FNTB: variants seen among roughly 807,000 people sequenced by gnomAD.
FNTB encodes protein farnesyltransferase subunit beta.
A neutral mutation model predicts 59.4 loss-of-function variants in FNTB; 27 were observed. That is an observed-to-expected ratio of 0.45 (90% CI 0.34 to 0.63). FNTB has a LOEUF of 0.63. Among genes scored for constraint, FNTB ranks in the 20% least tolerant of loss-of-function variants. The pLI is 0.02. For synonymous variants in FNTB, 230 were observed against 220.7 expected, an observed-to-expected ratio of 1.04 and a Z score of -0.37; for missense variants, 449 against 559.6, an observed-to-expected ratio of 0.80 and a Z score of 1.99.
chr14:65,010,877 T>C (rs756270383), intron 2 of FNTB, among the ~76,000 whole-genome samples: 3 of 152,214 alleles, frequency 2.0e-5, no homozygotes, highest in Admixed American at 6.5e-5. Flanking sequence ...TGCAGCATAG[T>C]AGAGTAGCCA....
rs1372190562 is a variant in FNTB at position 64,989,296 on chromosome 14, T to G, written c.144+2199T>G. Among the ~76,000 whole-genome samples, 16 of 115,224 alleles carry G rather than the reference T, an allele frequency of 1.4e-4. No homozygotes were observed. In the East Asian group the frequency reaches 3.8e-3, roughly 27 times the overall value. The allele number at this position is 115,224 out of a possible 152,430, so 75.6% of individuals were successfully genotyped here. On this transcript the variant is annotated intron_variant, in intron 1 of 11. Coordinates refer to ENST00000246166, the MANE Select transcript of FNTB (RefSeq NM_002028.4). ...CCAAAAAAAAAAAAAAAAAAAAAAG[T>G]AGCTGAGCGTGGTGGCATGCACCTG... is the stretch of plus-strand genomic sequence containing the variant.
chr14:65,002,644 G>A (rs1176799530), intron 1 of FNTB, among the ~76,000 whole-genome samples: 8 of 151,908 alleles, frequency 5.3e-5, no homozygotes, highest in South Asian at 2.1e-4. Flanking sequence ...AAGAAAGACC[G>A]GGGTTGCAGC....
In FNTB at chr14:65,023,039, G is replaced by T. The variant is rs2061917049; in HGVS notation, c.375-4414G>T. ...TGCCTTTGAATCCTTCATCCAAACT[G>T]ATGACGGTGTTTAGAATCAACATTG... On this transcript the variant is annotated intron_variant, in intron 4 of 11. Coordinates refer to ENST00000246166, the MANE Select transcript of FNTB (RefSeq NM_002028.4). This position sits in a 1 kb window ranked among gnomAD's most constrained non-coding sequence, Gnocchi z 4.1. 6.6e-6 allele frequency among the ~76,000 whole-genome samples: 1 copy of T among 152,128 alleles called. No homozygotes were observed.
intron 1 of FNTB, among the ~76,000 whole-genome samples, chr14:64,996,712 A>G (rs1888408621): frequency 6.6e-6 from 1 of 151,430 alleles, no homozygotes; most frequent in African/African-American, 2.4e-5. Flanking sequence ...CAAAAGTATA[A>G]TAATGTAATT....
In FNTB at chr14:65,056,142, A is replaced by G. The variant is rs532844752; in HGVS notation, c.1182+1453A>G. Among the ~76,000 whole-genome samples the G allele has an allele frequency of 2.0e-5, 3 of 152,210 alleles. No homozygotes were observed. The South Asian group carries it at 6.2e-4, about 32-fold the overall frequency. On this transcript the variant is annotated intron_variant, in intron 11 of 11. Transcript: ENST00000246166. ...ATAACAGTTGCTTGCATGTTTTCAAACTTTTTGTAATGGTACCTACTGTAC... is the reference window on the plus strand; with the variant it reads ...ATAACAGTTGCTTGCATGTTTTCAAGCTTTTTGTAATGGTACCTACTGTAC...
chr14:65,000,454 A>G (rs1888551307), intron 1 of FNTB, among the ~76,000 whole-genome samples: 2 of 152,208 alleles, frequency 1.3e-5, no homozygotes, highest in Non-Finnish European at 2.9e-5. Flanking sequence ...GCAACCCAAG[A>G]GCATAGATTC....
At chr14:65,015,779 G>C in intron 4 of FNTB, 63 bp downstream of exon 4, 1 of 1,572,520 alleles carries the variant, frequency 6.4e-7, no homozygotes, top group Non-Finnish European at 8.7e-7. Context: ...TTGGGATTTT[G>C]TTTTGTTTCT....
At chr14:65,008,007 C>T (rs150810036) in intron 2 of FNTB, among the ~76,000 whole-genome samples, 35 of 152,270 alleles carry the variant, frequency 2.3e-4, no homozygotes, top group African/African-American at 7.5e-4. Context: ...GCTTAGCTCC[C>T]GTGTTTTCTA....
rs1015090339 is a variant in FNTB at position 65,001,075 on chromosome 14, T to C, written c.145-3174T>C. On this transcript the variant is annotated intron_variant, in intron 1 of 11. Coordinates refer to ENST00000246166, the MANE Select transcript of FNTB (RefSeq NM_002028.4). This position sits in a 1 kb window ranked among gnomAD's most constrained non-coding sequence, Gnocchi z 5.5. ...AGCATAAATGAAGTCCTATACTTGG[T>C]CTCTCTGGGCCTGATAAATTTTGCA... Among the ~76,000 whole-genome samples, 2 of 152,064 alleles carry C rather than the reference T, an allele frequency of 1.3e-5. No homozygotes were observed. The highest frequency in any genetic ancestry group is 4.8e-5 in the African/African-American group (2 of 41,386).
At chr14:65,005,621 G>A (rs926403863) in intron 2 of FNTB, among the ~76,000 whole-genome samples, 1 of 146,016 alleles carries the variant, frequency 6.8e-6, no homozygotes, top group Non-Finnish European at 1.5e-5. Context: ...GTCTTGTCTT[G>A]TCCTGTCCTG....
Position 65,047,181 on chromosome 14 carries a change from A to T in FNTB, c.955+2738A>T, listed in dbSNP as rs2062503008. Among the ~76,000 whole-genome samples, 1 of 152,240 alleles carries T rather than the reference A, an allele frequency of 6.6e-6. No homozygotes were observed. Among genetic ancestry groups the T allele is most frequent in the Non-Finnish European group, 1.5e-5 (1 of 68,040 alleles). On this transcript the variant is annotated intron_variant, in intron 9 of 11. Coordinates refer to ENST00000246166, the MANE Select transcript of FNTB (RefSeq NM_002028.4). The surrounding 1 kb of genome is among the most constrained non-coding windows in gnomAD (Gnocchi z 5.2). ...CGGAGTCTTCCCAAGCCCTCACTGT[A>T]TGCCAGGGGCTGTACTGAGCATTTC...
chr14:65,053,536 T>A (rs1310983788), intron 10 of FNTB, among the ~76,000 whole-genome samples, 187 bp downstream of exon 10: 4 of 151,414 alleles, frequency 2.6e-5, no homozygotes, highest in Non-Finnish European at 5.9e-5. Context: ...TCTTGGCACC[T>A]CCAGCTGCCC....
intron 2 of FNTB, among the ~76,000 whole-genome samples, chr14:65,005,455 TTCTTTC>T (rs1408025316): frequency 3.3e-5 from 3 of 90,600 alleles, no homozygotes; most frequent in African/African-American, 4.8e-5. Context: ...TTTCTTTTCT[TTCTTTC>T]TTTCTTTCTT....
intron 11 of FNTB, among the ~76,000 whole-genome samples, chr14:65,056,769 C>G (rs1411040065): frequency 1.3e-5 from 2 of 152,010 alleles, no homozygotes. Flanking sequence ...GAATATCTTC[C>G]AGCTTGTGAC....
chr14:65,020,068 A>G (rs530345612), intron 4 of FNTB, among the ~76,000 whole-genome samples: 1 of 152,050 alleles, frequency 6.6e-6, no homozygotes, highest in Admixed American at 6.5e-5. Flanking sequence ...TGTAACACAC[A>G]CGCCCCCTAC....
rs2062674120 is a variant in FNTB at position 65,054,067 on chromosome 14, A to T, written c.1068-508A>T. On this transcript the variant is annotated intron_variant, in intron 10 of 11. Transcript: ENST00000246166. This position sits in a 1 kb window ranked among gnomAD's most constrained non-coding sequence, Gnocchi z 4.4. ...AAAAAAGAAAGAAAAGAAAAAAAATACAGTTCCCACTGCTGGGCAGGGCTG... is the reference window on the plus strand; with the variant it reads ...AAAAAAGAAAGAAAAGAAAAAAAATTCAGTTCCCACTGCTGGGCAGGGCTG... Among the ~76,000 whole-genome samples, 1 of 152,134 alleles carries T rather than the reference A, an allele frequency of 6.6e-6. No homozygotes were observed. Among genetic ancestry groups the T allele is most frequent in the Non-Finnish European group, 1.5e-5 (1 of 68,026 alleles).
intron 9 of FNTB, among the ~76,000 whole-genome samples, chr14:65,048,182 T>C (rs1411631820): frequency 6.6e-6 from 1 of 151,726 alleles, no homozygotes; most frequent in Non-Finnish European, 1.5e-5. Flanking sequence ...AGGATATGAC[T>C]ATGTTGGCCT....
rs866084442 is a variant in FNTB, at chr14:65,001,998, C to T, written c.145-2251C>T. ...AAATTAATTTTAGATTGGCTGCCATCGTAGATGATTCATATCACTGCTCCC... is the reference window on the plus strand; with the variant it reads ...AAATTAATTTTAGATTGGCTGCCATTGTAGATGATTCATATCACTGCTCCC... On this transcript the variant is annotated intron_variant, in intron 1 of 11. Coordinates refer to ENST00000246166, the MANE Select transcript of FNTB (RefSeq NM_002028.4). This position sits in a 1 kb window ranked among gnomAD's most constrained non-coding sequence, Gnocchi z 5.5. 1.3e-4 allele frequency among the ~76,000 whole-genome samples: 20 copies of T among 152,312 alleles called. No homozygotes were observed. The highest frequency in any genetic ancestry group is 3.4e-3 in the Middle Eastern group (1 of 294).
In FNTB at chr14:65,007,597, G is replaced by A. The variant is rs1348641012; in HGVS notation, c.209+3284G>A. On this transcript the variant is annotated intron_variant, in intron 2 of 11. Coordinates refer to ENST00000246166, the MANE Select transcript of FNTB (RefSeq NM_002028.4). The surrounding 1 kb of genome is among the most constrained non-coding windows in gnomAD (Gnocchi z 4.9). ...TCCCAGAAATGATTTTCTTCTCTAA[G>A]GTTGGGACTGTCTACCTGGAGTGAG... is the stretch of plus-strand genomic sequence containing the variant. 1.3e-5 allele frequency among the ~76,000 whole-genome samples: 2 copies of A among 152,182 alleles called. No homozygotes were observed. The highest frequency in any genetic ancestry group is 6.5e-5 in the Admixed American group (1 of 15,282).
Sources: gnomAD v4.1 joint callset for allele counts (sites outside exome capture counted in the v4.1 genomes callset) on GRCh38, gnomAD v4.1.1 for gene constraint, Gnocchi (gnomAD v3.1) non-coding constraint, MANE v1.5 for transcripts, NCBI Gene and HGNC (gene_info 2026-07-23, HGNC 2026-07-21) for gene names.